The following DNAH10 variants were observed in gnomAD, a reference collection of about 807,000 sequenced individuals.
DNAH10 encodes the protein axonemal beta dynein heavy chain 10.
In DNAH10, 348 loss-of-function variants were observed where a neutral mutation model predicts 506.6. The ratio of observed to expected loss-of-function variants is 0.69; its 90% CI spans 0.63 to 0.75. The LOEUF (loss-of-function observed/expected upper bound fraction) is 0.75. Ranked by LOEUF, DNAH10 falls within the 30% of genes least tolerant of loss-of-function variation. DNAH10 has a pLI of 0.00. For synonymous variants in DNAH10, 2,059 were observed against 2,198.6 expected (o/e 0.94, Z 1.78); for missense variants, 5,179 against 5,787.1 (o/e 0.89, Z 3.41).
Position 123,819,191 on chromosome 12 carries a change from A to G in DNAH10, c.3941A>G (p.Glu1314Gly). Residue 1314 changes from glutamate to glycine, a missense_variant, in exon 23 of 79, where the codon GAG (glutamate) becomes GGG (glycine). Coordinates refer to ENST00000673944, the MANE Select transcript of DNAH10 (RefSeq NM_001372106.1). Reference protein sequence around the residue: ...EIMNYRVQIEEFAKRFYSEGP... With the variant: ...EIMNYRVQIEGFAKRFYSEGP... ...ATGAACTACAGAGTTCAGATAGAGGAGTTTGCAAAGCGTTTTTACAGTGAA... is the reference window on the plus strand; with the variant it reads ...ATGAACTACAGAGTTCAGATAGAGGGGTTTGCAAAGCGTTTTTACAGTGAA... The G allele has an allele frequency of 6.2e-7, 1 of 1,613,556 alleles. No individual in the cohort carries two copies. The highest frequency in any genetic ancestry group is 8.5e-7 in the Non-Finnish European group (1 of 1,179,774).
intron 48 of DNAH10, among the ~76,000 whole-genome samples, chr12:123,878,840 A>G (rs912106813): frequency 6.6e-6 from 1 of 152,204 alleles, no homozygotes; most frequent in Non-Finnish European, 1.5e-5. Context: ...TTGAGGTGGC[A>G]GTGAGCTATG....
intron 24 of DNAH10, among the ~76,000 whole-genome samples, chr12:123,823,837 G>A (rs1959687289): frequency 6.6e-6 from 1 of 151,842 alleles, no homozygotes; most frequent in Non-Finnish European, 1.5e-5. Flanking sequence ...TCAAATACTA[G>A]GTCTTATTCA....
Position 123,902,903 on chromosome 12 carries a change from G to A in DNAH10, c.9641-36G>A. On this transcript the variant is annotated intron_variant, in intron 56 of 78. Coordinates refer to ENST00000673944, the MANE Select transcript of DNAH10 (RefSeq NM_001372106.1). The surrounding 1 kb of genome is among the most constrained non-coding windows in gnomAD (Gnocchi z 4.5). Reference sequence around the variant, plus strand: ...GGGGCCGCGAGTGCATCTCCTCTGAGCCCAAGCTTTACTCACCCCCTGTCC... The same window carrying A: ...GGGGCCGCGAGTGCATCTCCTCTGAACCCAAGCTTTACTCACCCCCTGTCC... 1.3e-6 allele frequency: 2 copies of A among 1,551,810 alleles called. No homozygotes were observed. The highest frequency in any genetic ancestry group is 1.7e-4 in the Middle Eastern group (1 of 5,924).
intron 4 of DNAH10, among the ~76,000 whole-genome samples, 166 bp from the exon 5 acceptor site, chr12:123,773,983 G>A (rs1240615611): frequency 3.3e-5 from 5 of 152,164 alleles, no homozygotes; most frequent in Non-Finnish European, 7.3e-5. Context: ...GCTTCTCATG[G>A]GCCCTCAGAT....
In DNAH10 at chr12:123,928,976, CTG is replaced by C. The variant is rs1490334685; in HGVS notation, c.12307-297_12307-296del. ...TCTTTTGGAAAGGTTTTGTCATTCT[CTG>C]TCTCTCTCTCTCTCTCTGGGGAGGT... is the stretch of plus-strand genomic sequence containing the variant. On this transcript the variant is annotated intron_variant, in intron 70 of 78. Coordinates refer to ENST00000673944, the MANE Select transcript of DNAH10 (RefSeq NM_001372106.1). The surrounding 1 kb of genome is among the most constrained non-coding windows in gnomAD (Gnocchi z 4.9). 4.1e-6 allele frequency: 2 copies of C among 484,588 alleles called. No individual in the cohort carries two copies. The highest frequency in any genetic ancestry group is 3.6e-6 in the Non-Finnish European group (1 of 278,372). 30.0% of individuals were successfully genotyped at this position (484,588 alleles called of 1,614,324 possible). A position where few individuals can be genotyped will look rare whatever the true frequency, so the allele number is the denominator to read the frequency against.
Position 123,787,744 on chromosome 12 carries a change from A to T in DNAH10, c.1422-60A>T. 5 of 1,561,382 alleles carry T rather than the reference A, an allele frequency of 3.2e-6. No homozygotes were observed. The South Asian group carries it at 4.7e-5, about 15-fold the overall frequency. ...CGGGACACTGGCTCCCCAGCCGGGG[A>T]GTGCGGCTCGGACCCGGAGCTCCGC... On this transcript the variant is annotated intron_variant, in intron 9 of 78. Transcript: ENST00000673944. The surrounding 1 kb of genome is among the most constrained non-coding windows in gnomAD (Gnocchi z 4.6).
Position 123,930,552 on chromosome 12 carries a change from G to A in DNAH10, c.12763G>A (p.Asp4255Asn), listed in dbSNP as rs1423792318. The change falls in exon 73 of 79, where the codon GAT becomes AAT. Residue 4255 changes from aspartate to asparagine, a missense_variant. Asp to Asn is a conservative substitution (Grantham distance 23). Transcript: ENST00000673944. ...AGTGGACTACAAAATCCCTGTTGGT[G>A]ATGAAAAGGAGAAATTTGTTGGTGA... ...KEVDYKIPVG[D>N]EKEKFVEAIE... is the part of the protein sequence containing the mutation. 6.2e-7 allele frequency: 1 copy of A among 1,604,182 alleles called. No individual in the cohort carries two copies. The highest frequency in any genetic ancestry group is 8.5e-7 in the Non-Finnish European group (1 of 1,177,610).
At chr12:123,838,426 G>T (rs1313796044) in intron 28 of DNAH10, 30 bp from the exon 29 acceptor site, 2 of 1,588,678 alleles carry the variant, frequency 1.3e-6, no homozygotes, top group South Asian at 2.3e-5. Context: ...TGCTCACCCT[G>T]CTTGACGGCT....
intron 13 of DNAH10, among the ~76,000 whole-genome samples, chr12:123,797,677 G>A (rs774619277): frequency 5.9e-5 from 9 of 152,214 alleles, no homozygotes; most frequent in Non-Finnish European, 1.0e-4. Flanking sequence ...GCTTACAGGC[G>A]TGAGCCACTG....
chr12:123,814,833 G>A (rs772607663), intron 21 of DNAH10, among the ~76,000 whole-genome samples: 1 of 151,986 alleles, frequency 6.6e-6, no homozygotes, highest in Non-Finnish European at 1.5e-5. Flanking sequence ...TAGCCAGGAT[G>A]GTCTCGATCT....
rs1365317948 is a variant in DNAH10, at chr12:123,787,680, G to C, written c.1422-124G>C. ...TTGCCCGCTCTGCCTTTTCCGATGA[G>C]GCCGTGAAACCAGGGGGGGCGCCCG... is the stretch of plus-strand genomic sequence containing the variant. On this transcript the variant is annotated intron_variant, in intron 9 of 78. Transcript: ENST00000673944. This position sits in a 1 kb window ranked among gnomAD's most constrained non-coding sequence, Gnocchi z 4.6. 14 of 1,135,736 alleles carry C rather than the reference G, an allele frequency of 1.2e-5. No homozygotes were observed. Among genetic ancestry groups the C allele is most frequent in the Non-Finnish European group, 1.8e-5 (14 of 791,504 alleles). 70.4% of individuals were successfully genotyped at this position (1,135,736 alleles called of 1,614,324 possible). A position where few individuals can be genotyped will look rare whatever the true frequency, so the allele number is the denominator to read the frequency against.
At chr12:123,792,451 CTTTTTTT>C (rs78654407) in intron 11 of DNAH10, among the ~76,000 whole-genome samples, 1 of 133,466 alleles carries the variant, frequency 7.5e-6, no homozygotes, top group Non-Finnish European at 1.6e-5. Flanking sequence ...TTCCTTTGTC[CTTTTTTT>C]TTTTTTTTTT....
chr12:123,918,557 C>A (rs1242202707), intron 64 of DNAH10, 119 bp from the exon 65 acceptor site: 7 of 1,293,814 alleles, frequency 5.4e-6, no homozygotes, highest in Non-Finnish European at 7.2e-6. Context: ...CCTGCAGTCC[C>A]TGGATACTTT....
At chr12:123,935,100 G>T in intron 78 of DNAH10, 1 of 599,998 alleles carries the variant, frequency 1.7e-6, no homozygotes, top group Non-Finnish European at 2.9e-6. Context: ...GGTGTGGACA[G>T]CAGATGTCTT....
Position 123,826,222 on chromosome 12 carries a change from A to G in DNAH10, c.4180-465A>G, listed in dbSNP as rs188370217. ...ATCAAGTAGGAACATGTTTTTCCTC[A>G]CTTCTTAGCCTCAACCTGATGGTTT... On this transcript the variant is annotated intron_variant, in intron 24 of 78. Coordinates refer to ENST00000673944, the MANE Select transcript of DNAH10 (RefSeq NM_001372106.1). Among the ~76,000 whole-genome samples the G allele has an allele frequency of 1.2e-4, 18 of 152,320 alleles. No individual in the cohort carries two copies. The East Asian group carries it at 3.3e-3, about 28-fold the overall frequency.
chr12:123,822,755 A>G (rs1959551366), intron 24 of DNAH10, among the ~76,000 whole-genome samples: 1 of 152,208 alleles, frequency 6.6e-6, no homozygotes, highest in Admixed American at 6.5e-5. Flanking sequence ...TATAGATTCT[A>G]GTCTGAGTCC....
rs1298802183 is a variant in DNAH10 at position 123,913,363 on chromosome 12, C to T, written c.10352+48C>T. 1 of 1,504,854 alleles carries T rather than the reference C, an allele frequency of 6.6e-7. No homozygotes were observed. The highest frequency in any genetic ancestry group is 8.9e-7 in the Non-Finnish European group (1 of 1,120,700). The allele number at this position is 1,504,854 out of a possible 1,614,324, so 93.2% of individuals were successfully genotyped here. A position where few individuals can be genotyped will look rare whatever the true frequency, so the allele number is the denominator to read the frequency against. On this transcript the variant is annotated intron_variant, in intron 60 of 78. Transcript: ENST00000673944. This position sits in a 1 kb window ranked among gnomAD's most constrained non-coding sequence, Gnocchi z 5.1. ...CCTGTTGCGGTTTGTAAACGGACGT[C>T]ACCCACAGAGTTTCTCGCCATGTTG... is the stretch of plus-strand genomic sequence containing the variant.
intron 58 of DNAH10, 78 bp from the exon 59 acceptor site, chr12:123,910,458 G>A: frequency 6.5e-7 from 1 of 1,539,386 alleles, no homozygotes; most frequent in Non-Finnish European, 8.8e-7. Context: ...TAAGAAACTA[G>A]TTATGCTTAT....
chr12:123,909,111 T>C lies in DNAH10; in HGVS notation c.9816-150T>C, dbSNP rs1238790466. On this transcript the variant is annotated intron_variant, in intron 57 of 78. Coordinates refer to ENST00000673944, the MANE Select transcript of DNAH10 (RefSeq NM_001372106.1). This position sits in a 1 kb window ranked among gnomAD's most constrained non-coding sequence, Gnocchi z 5.4. ...GGGACGCTCCCGCCCAGGAGTGCGGTTTGTGTTGGGACCTGGCTTCTTTCG... is the reference window on the plus strand; with the variant it reads ...GGGACGCTCCCGCCCAGGAGTGCGGCTTGTGTTGGGACCTGGCTTCTTTCG... 2.0e-5 allele frequency: 22 copies of C among 1,079,374 alleles called. No individual in the cohort carries two copies. Among genetic ancestry groups the C allele is most frequent in the Non-Finnish European group, 2.7e-5 (20 of 754,690 alleles). 66.9% of individuals were successfully genotyped at this position (1,079,374 alleles called of 1,614,324 possible). A position where few individuals can be genotyped will look rare whatever the true frequency, so the allele number is the denominator to read the frequency against.
Sources: allele counts gnomAD v4.1 joint callset (sites outside exome capture counted in the v4.1 genomes callset), GRCh38; gene constraint gnomAD v4.1.1; non-coding constraint Gnocchi (gnomAD v3.1); transcripts MANE v1.5; gene names NCBI Gene and HGNC (gene_info 2026-07-23, HGNC 2026-07-21).